RSBN1: variants seen among roughly 807,000 people sequenced by gnomAD.
The protein encoded by RSBN1 is lysine-specific demethylase 9.
In RSBN1, 23 loss-of-function variants were observed where a neutral mutation model predicts 74.8. The ratio of observed to expected loss-of-function variants is 0.31; its 90% confidence interval spans 0.22 to 0.44. The LOEUF is 0.44. Among genes scored for constraint, RSBN1 ranks in the 20% least tolerant of loss-of-function variants. RSBN1 has a pLI of 1.00. For synonymous variants in RSBN1, 407 were observed against 379.6 expected (o/e 1.07, Z -0.84); for missense variants, 808 against 1,020.9 (o/e 0.79, Z 2.84).
chr1:113,809,173 T>C (rs1298265531), intron 1 of RSBN1, among the ~76,000 whole-genome samples: 1 of 152,180 alleles, frequency 6.6e-6, no homozygotes, highest in Non-Finnish European at 1.5e-5. Context: ...TTAGGGACCA[T>C]GCATAATAAA....
At position 113,777,791 on chromosome 1, in the gene RSBN1, G is replaced by C. The variant is rs1407774492; in HGVS notation, c.1395C>G (p.Cys465Trp). 1.2e-6 allele frequency: 2 copies of C among 1,600,722 alleles called. No homozygotes were observed. The highest frequency in any genetic ancestry group is 1.7e-6 in the Non-Finnish European group (2 of 1,171,802). The stretch of plus-strand genomic sequence containing the variant: ...TAGGACCTGCTCGGTAGGTGCCACA[G>C]CAGTATGTCCTGTTGACCTAAGATA... The part of the protein sequence containing the change: ...NFHTQVNRTY[C>W]CGTYRAGPMR... The change falls in exon 3 of 7, where the codon TGC (cysteine) becomes TGG (tryptophan). Residue 465 changes from cysteine (C) to tryptophan (W), a missense_variant. By Grantham distance (215) the Cys-to-Trp change is radical. Coordinates refer to ENST00000261441, the MANE Select transcript of RSBN1 (RefSeq NM_018364.5).
At chr1:113,779,592 T>C (rs573075465) in intron 2 of RSBN1, among the ~76,000 whole-genome samples, 1 of 152,298 alleles carries the variant, frequency 6.6e-6, no homozygotes, top group African/African-American at 2.4e-5. Context: ...TCATGGGATA[T>C]AGAGATAAGG....
intron 2 of RSBN1, among the ~76,000 whole-genome samples, chr1:113,792,539 T>TA (rs913769728): frequency 2.0e-5 from 3 of 152,154 alleles, no homozygotes; most frequent in Non-Finnish European, 4.4e-5. Context: ...TCTGGCTCTA[T>TA]AAAAAAATTT....
chr1:113,770,915 T>C lies in RSBN1; in HGVS notation c.1659-2526A>G, dbSNP rs892655529. 2.6e-5 allele frequency among the ~76,000 whole-genome samples: 4 copies of C among 152,014 alleles called. No homozygotes were observed. In the East Asian group the frequency reaches 5.8e-4, roughly 22 times the overall value. ...ACCAGGAGCTCTATTATTCAACCAA[T>C]AGTAGTTTCAGAAAGAAATAAGAGA... On this transcript the variant is annotated intron_variant, in intron 4 of 6. Transcript: ENST00000261441.
Position 113,764,102 on chromosome 1 carries a change from C to T in RSBN1, c.*1878G>A, listed in dbSNP as rs1188937405. 6.6e-6 allele frequency: 1 copy of T among 152,408 alleles called. No individual in the cohort carries two copies. The highest frequency in any genetic ancestry group is 1.9e-4 in the East Asian group (1 of 5,334). 9.4% of individuals were successfully genotyped at this position (152,408 alleles called of 1,614,324 possible). A position where few individuals can be genotyped will look rare whatever the true frequency, so the allele number is the denominator to read the frequency against. On this transcript the variant is annotated 3_prime_UTR_variant, in exon 7 of 7. Transcript: ENST00000261441. ...CAAACCCACACACTTTGTGATTAAA[C>T]CCCTCCCCAACAAAATAACAAAAAA...
At chr1:113,773,349 A>T (rs935822232) in intron 4 of RSBN1, among the ~76,000 whole-genome samples, 1 of 152,066 alleles carries the variant, frequency 6.6e-6, no homozygotes, top group African/African-American at 2.4e-5. Flanking sequence ...ATATGGCGAA[A>T]CCCCTCTTTA....
At position 113,797,690 on chromosome 1, in the gene RSBN1, T is replaced by G; in HGVS notation, c.1050A>C (p.Leu350Phe). 5 of 1,614,130 alleles carry G rather than the reference T, an allele frequency of 3.1e-6. No homozygotes were observed. In the East Asian group the frequency reaches 1.1e-4, roughly 36 times the overall value. Residue 350 changes from leucine to phenylalanine, a missense_variant, in exon 2 of 7, where the codon TTA becomes TTC. Coordinates refer to ENST00000261441, the MANE Select transcript of RSBN1 (RefSeq NM_018364.5). ...HQEHSIRRNF[L>F]KTGTKFSNFI... ...AGTTGCTAAATTTAGTACCTGTTTT[T>G]AAGAAATTTCTACGAATAGAATGTT... is the stretch of plus-strand genomic sequence containing the variant.
chr1:113,783,712 T>C (rs1414148606), intron 2 of RSBN1, among the ~76,000 whole-genome samples: 2 of 152,314 alleles, frequency 1.3e-5, no homozygotes, highest in African/African-American at 4.8e-5. Flanking sequence ...CACTTCCTTT[T>C]TCTCTTTTGA....
At chr1:113,794,886 T>C (rs1243345760) in intron 2 of RSBN1, among the ~76,000 whole-genome samples, 2 of 152,316 alleles carry the variant, frequency 1.3e-5, no homozygotes, top group Admixed American at 6.5e-5. Flanking sequence ...GAATAAACTA[T>C]CTTGAAATAT....
Position 113,812,061 on chromosome 1 carries a change from T to C in RSBN1, c.352A>G (p.Ser118Gly). ...PLAPPHRRRR[S>G]RQHPGPLPPT... ...GGCAGCGGCCCAGGATGTTGGCGGC[T>C]GCGACGCCGCCGGTGAGGGGGAGCG... Residue 118 changes from serine (S) to glycine (G), a missense_variant, in exon 1 of 7, where the codon AGC (serine) becomes GGC (glycine). By Grantham distance (56) the Ser-to-Gly change is moderately conservative (BLOSUM62 0). Coordinates refer to ENST00000261441, the MANE Select transcript of RSBN1 (RefSeq NM_018364.5). 3 of 1,552,732 alleles carry C rather than the reference T, an allele frequency of 1.9e-6. No individual in the cohort carries two copies. Among genetic ancestry groups the C allele is most frequent in the Non-Finnish European group, 2.6e-6 (3 of 1,152,240 alleles).
chr1:113,783,422 A>G (rs1380550651), intron 2 of RSBN1, among the ~76,000 whole-genome samples: 2 of 151,984 alleles, frequency 1.3e-5, no homozygotes, highest in African/African-American at 4.8e-5. Context: ...CACAAATTCA[A>G]CATGCACCAA....
chr1:113,794,135 ATCTC>A (rs1420993951), intron 2 of RSBN1, among the ~76,000 whole-genome samples: 1 of 151,946 alleles, frequency 6.6e-6, no homozygotes, highest in Admixed American at 6.6e-5. Flanking sequence ...TCTGAAGACT[ATCTC>A]TCTCTCTCAC....
In RSBN1 at chr1:113,765,918, T is replaced by C. The variant is rs576072851; in HGVS notation, c.*62A>G. On this transcript the variant is annotated 3_prime_UTR_variant, in exon 7 of 7. Transcript: ENST00000261441. Reference sequence around the variant, plus strand: ...AATAAAACTTAACTTAAGCCAGTTATAAAACTATAACTTCACATCAAAATT... The same window carrying C: ...AATAAAACTTAACTTAAGCCAGTTACAAAACTATAACTTCACATCAAAATT... 7.0e-6 allele frequency: 9 copies of C among 1,294,270 alleles called. No individual in the cohort carries two copies. Among genetic ancestry groups the C allele is most frequent in the South Asian group, 5.7e-5 (4 of 69,762 alleles). 80.2% of individuals were successfully genotyped at this position (1,294,270 alleles called of 1,614,324 possible).
At chr1:113,772,290 G>A (rs1032634808) in intron 4 of RSBN1, among the ~76,000 whole-genome samples, 1 of 151,776 alleles carries the variant, frequency 6.6e-6, no homozygotes, top group African/African-American at 2.4e-5. Context: ...GTAAGAGGAC[G>A]GAATACCTGC....
rs1659730589 is a variant in RSBN1, at chr1:113,763,744, T to C, written c.*2236A>G. 1 of 140,052 alleles carries C rather than the reference T, an allele frequency of 7.1e-6. No individual in the cohort carries two copies. Among genetic ancestry groups the C allele is most frequent in the South Asian group, 2.2e-4 (1 of 4,480 alleles). 8.7% of individuals were successfully genotyped at this position (140,052 alleles called of 1,614,324 possible). ...TATTGGAGGTGAGGGTAGAATGTTT[T>C]ATAAAAGGAAAATGGGGATTTGCTT... On this transcript the variant is annotated 3_prime_UTR_variant, in exon 7 of 7. Transcript: ENST00000261441.
At chr1:113,795,521 T>C (rs1384553256) in intron 2 of RSBN1, among the ~76,000 whole-genome samples, 3 of 152,190 alleles carry the variant, frequency 2.0e-5, no homozygotes, top group Non-Finnish European at 2.9e-5. Flanking sequence ...TACTCTTCTC[T>C]AATGACTGAA....
rs201595767 is a variant in RSBN1, at chr1:113,811,824, G to A, written c.589C>T (p.His197Tyr). ...GHKERHKHHH[H>Y]RGPDGDPSSC... ...CTGGGATCACCATCGGGGCCGCGGT[G>A]GTGATGGTGCTTGTGCCGCTCCTTG... is the stretch of plus-strand genomic sequence containing the variant. The change falls in exon 1 of 7, where the codon CAC (histidine) becomes TAC (tyrosine). Residue 197 changes from histidine (H) to tyrosine (Y), a missense_variant. Transcript: ENST00000261441. 3.7e-6 allele frequency: 6 copies of A among 1,613,730 alleles called. No individual in the cohort carries two copies. In the South Asian group the frequency reaches 5.5e-5, roughly 15 times the overall value.
At chr1:113,794,173 T>G (rs1660424672) in intron 2 of RSBN1, among the ~76,000 whole-genome samples, 1 of 152,108 alleles carries the variant, frequency 6.6e-6, no homozygotes, top group Non-Finnish European at 1.5e-5. Flanking sequence ...ATCTCAACCT[T>G]CTAATTATTT....
intron 4 of RSBN1, among the ~76,000 whole-genome samples, chr1:113,773,029 G>C (rs957463559): frequency 9.9e-5 from 15 of 151,660 alleles, no homozygotes; most frequent in Non-Finnish European, 1.9e-4. Flanking sequence ...AAAAACTTCT[G>C]TAAGTAAAGA....
Sources: allele counts gnomAD v4.1 joint callset (sites outside exome capture counted in the v4.1 genomes callset), GRCh38; gene constraint gnomAD v4.1.1; transcripts MANE v1.5; gene names NCBI Gene and HGNC (gene_info 2026-07-23, HGNC 2026-07-21).